CACNA1A: variants seen among roughly 807,000 people sequenced by gnomAD.
CACNA1A encodes calcium voltage-gated channel subunit alpha1 A.
In CACNA1A, 57 loss-of-function variants were observed where a neutral mutation model predicts 262.4. The observed-to-expected ratio is 0.22, with a 90% CI of 0.18 to 0.27. The LOEUF (loss-of-function observed/expected upper bound fraction) is 0.27, where lower values mean the gene tolerates loss of function less well. CACNA1A is among the 10% of genes least tolerant of loss of function. The probability of loss-of-function intolerance (pLI) is 1.00; values close to 1 mark genes in which losing one functional copy is unlikely to be tolerated. For missense variants in CACNA1A, 2,526 were observed against 3,562.8 expected (o/e 0.71, Z 7.41); for synonymous variants, 1,431 against 1,419.3 (o/e 1.01, Z -0.18).
At chr19:13,227,028 C>T (rs1472892625) in intron 37 of CACNA1A, 1 of 153,680 alleles carries the variant, frequency 6.5e-6, no homozygotes, top group Non-Finnish European at 1.4e-5. Flanking sequence ...AGGCGCCTGC[C>T]CCAGCCTGGG....
rs760343725 is a variant in CACNA1A, at chr19:13,214,580, A to G, written c.5760T>C (p.Ala1920=). 12 of 1,613,896 alleles carry G rather than the reference A, an allele frequency of 7.4e-6. No homozygotes were observed. The East Asian group carries it at 2.2e-4, about 30-fold the overall frequency. ...KGGADKQQMD[A]ELRKEMMAIW... Reference sequence around the variant, plus strand: ...TCGCCATCATCTCCTTCCGCAGCTCAGCGTCCATCTGCTGTTTGTCGGCTC... The same window carrying G: ...TCGCCATCATCTCCTTCCGCAGCTCGGCGTCCATCTGCTGTTTGTCGGCTC... Residue 1920 remains alanine, a synonymous_variant, in exon 39 of 47, where the codon GCT becomes GCC. Coordinates refer to ENST00000360228, the MANE Select transcript of CACNA1A (RefSeq NM_001127222.2). The surrounding 1 kb of genome is among the most constrained non-coding windows in gnomAD (Gnocchi z 4.1).
intron 10 of CACNA1A, among the ~76,000 whole-genome samples, chr19:13,323,059 G>T (rs1402703459): frequency 1.3e-5 from 2 of 152,124 alleles, no homozygotes; most frequent in Non-Finnish European, 2.9e-5. Context: ...ATCATTTGAG[G>T]TCAGGAATTC....
In CACNA1A at chr19:13,407,684, C is replaced by A. The variant is rs184606325; in HGVS notation, c.540-35905G>T. ...GAGTCTTCCAATTGTTATGCTGCAA[C>A]AATGCTTCTCTTTGCTGTAACAATG... On this transcript the variant is annotated intron_variant, in intron 3 of 46. Transcript: ENST00000360228. Among the ~76,000 whole-genome samples the A allele has an allele frequency of 1.5e-3, 232 of 152,290 alleles. 1 individual carries two copies. The highest frequency in any genetic ancestry group is 2.9e-3 in the Non-Finnish European group (197 of 68,018).
Position 13,212,827 on chromosome 19 carries a change from T to TAC in CACNA1A, c.5941-89_5941-88dup, listed in dbSNP as rs61178346. 0.16 allele frequency: 84,151 copies of TAC among 516,132 alleles called. 3,278 individuals carry two copies. Among genetic ancestry groups the TAC allele is most frequent in the East Asian group, 0.43 (13,209 of 30,526 alleles). The allele number at this position is 516,132 out of a possible 1,614,324, so 32.0% of individuals were successfully genotyped here. On this transcript the variant is annotated intron_variant, in intron 40 of 46. Coordinates refer to ENST00000360228, the MANE Select transcript of CACNA1A (RefSeq NM_001127222.2). The surrounding 1 kb of genome is among the most constrained non-coding windows in gnomAD (Gnocchi z 5.6). The stretch of plus-strand genomic sequence containing the variant: ...AGAAGGCATTGCGACATCCCCAGTA[T>TAC]ACACACACACACACACACACACTCT...
intron 1 of CACNA1A, among the ~76,000 whole-genome samples, chr19:13,458,663 G>C (rs1228438386): frequency 3.9e-5 from 6 of 152,106 alleles, no homozygotes; most frequent in Admixed American, 3.9e-4. Flanking sequence ...ACTGTCATTT[G>C]GGTTTAGGAG....
At chr19:13,230,880 G>A (rs1263925304) in intron 35 of CACNA1A, among the ~76,000 whole-genome samples, 2 of 151,726 alleles carry the variant, frequency 1.3e-5, no homozygotes, top group Non-Finnish European at 2.9e-5. Flanking sequence ...TGAGAGGGAG[G>A]GGAGGCTTCT....
At chr19:13,349,748 AG>A (rs2058872790) in intron 6 of CACNA1A, among the ~76,000 whole-genome samples, 1 of 152,216 alleles carries the variant, frequency 6.6e-6, no homozygotes, top group Admixed American at 6.5e-5. Flanking sequence ...TCTGGGACTC[AG>A]TTTCTTCATC....
At chr19:13,503,390 T>C (rs970753063) in intron 1 of CACNA1A, among the ~76,000 whole-genome samples, 2 of 152,128 alleles carry the variant, frequency 1.3e-5, no homozygotes, top group Non-Finnish European at 2.9e-5. Flanking sequence ...TCTGAATATA[T>C]GTACTTGCCT....
intron 1 of CACNA1A, among the ~76,000 whole-genome samples, chr19:13,470,682 C>T (rs912507928): frequency 2.0e-5 from 3 of 152,202 alleles, no homozygotes; most frequent in Non-Finnish European, 4.4e-5. Flanking sequence ...TCTGTGACTG[C>T]ATCATCCAAG....
intron 3 of CACNA1A, among the ~76,000 whole-genome samples, chr19:13,428,187 C>T (rs2060440537): frequency 2.0e-5 from 3 of 152,148 alleles, no homozygotes; most frequent in Admixed American, 6.5e-5. Context: ...CTTGGCCTCA[C>T]GACGTGCTGG....
At position 13,298,133 on chromosome 19, in the gene CACNA1A, CT is replaced by C. The variant is rs3050873; in HGVS notation, c.3089+410del. 3.2e-3 allele frequency among the ~76,000 whole-genome samples: 361 copies of C among 113,000 alleles called. 3 individuals carry two copies. The highest frequency in any genetic ancestry group is 3.9e-3 in the Admixed American group (44 of 11,218). The allele number at this position is 113,000 out of a possible 152,430, so 74.1% of individuals were successfully genotyped here. ...CCACTGCTCCTGGCCAAATACAGCA[CT>C]TTTTTTTTTTTTTTGAGACAGAGTC... On this transcript the variant is annotated intron_variant, in intron 19 of 46. Transcript: ENST00000360228.
Position 13,441,107 on chromosome 19 carries a change from C to T in CACNA1A, c.539+11769G>A, listed in dbSNP as rs1408999413. Among the ~76,000 whole-genome samples the T allele has an allele frequency of 2.6e-5, 4 of 152,216 alleles. No individual in the cohort carries two copies. In the East Asian group the frequency reaches 7.7e-4, roughly 29 times the overall value. On this transcript the variant is annotated intron_variant, in intron 3 of 46. Coordinates refer to ENST00000360228, the MANE Select transcript of CACNA1A (RefSeq NM_001127222.2). ...GGATTACAAGCATCAGCCACCATGC[C>T]CCACCAAGTCAGGGGATGCTACTAC...
chr19:13,268,454 A>G (rs904178547), intron 24 of CACNA1A, among the ~76,000 whole-genome samples: 1 of 150,208 alleles, frequency 6.7e-6, no homozygotes, highest in African/African-American at 2.5e-5. Context: ...TTTTTTTTGA[A>G]ACGGAGTCTC....
At chr19:13,448,932 CTTT>C (rs955782124) in intron 3 of CACNA1A, among the ~76,000 whole-genome samples, 15 of 151,994 alleles carry the variant, frequency 9.9e-5, no homozygotes, top group Non-Finnish European at 1.5e-4. Context: ...CCACATATCT[CTTT>C]TTTTCTTTCT....
chr19:13,276,070 A>C (rs1600225079), intron 23 of CACNA1A, 114 bp from the exon 24 acceptor site: 3 of 658,810 alleles, frequency 4.6e-6, no homozygotes, highest in South Asian at 1.8e-5. Context: ...AGGCCACCTC[A>C]TCTTGCAGGG....
intron 12 of CACNA1A, among the ~76,000 whole-genome samples, chr19:13,309,696 T>C (rs2057978154): frequency 6.6e-6 from 1 of 151,434 alleles, no homozygotes; most frequent in South Asian, 2.1e-4. Flanking sequence ...CTATCTCAAA[T>C]AAAATAAAAA....
At chr19:13,312,560 G>A (rs2058055126) in intron 12 of CACNA1A, 109 bp downstream of exon 12, 3 of 658,738 alleles carry the variant, frequency 4.6e-6, no homozygotes, top group Non-Finnish European at 7.9e-6. Flanking sequence ...ATCCATCTGA[G>A]TCTCTCATAT....
intron 1 of CACNA1A, 99 bp downstream of exon 1, chr19:13,505,833 C>T (rs1982968308): frequency 2.4e-6 from 3 of 1,273,892 alleles, no homozygotes; most frequent in East Asian, 5.0e-5. Context: ...TCCTCCCCAC[C>T]TCCCATCAAC....
intron 3 of CACNA1A, among the ~76,000 whole-genome samples, chr19:13,427,928 G>A (rs557310980): frequency 5.9e-5 from 9 of 152,056 alleles, no homozygotes; most frequent in African/African-American, 2.2e-4. Flanking sequence ...TAGGTAAAAT[G>A]TGGATAATAA....
Sources: gnomAD v4.1 joint callset for allele counts (sites outside exome capture counted in the v4.1 genomes callset) on GRCh38, gnomAD v4.1.1 for gene constraint, Gnocchi (gnomAD v3.1) non-coding constraint, MANE v1.5 for transcripts, NCBI Gene and HGNC (gene_info 2026-07-23, HGNC 2026-07-21) for gene names.